The following CEP128 variants were observed in gnomAD, a reference collection of about 807,000 sequenced individuals.
CEP128 encodes the protein centrosomal protein 128kDa.
Under a neutral mutation model 156.7 loss-of-function variants are expected in CEP128, and 132 were observed. That is an observed-to-expected ratio of 0.84 (90% CI 0.73 to 0.97). The LOEUF is 0.97. Among genes scored for constraint, CEP128 ranks in the 50% least tolerant of loss-of-function variants. The probability of loss-of-function intolerance (pLI) is 0.00; values close to 1 mark genes in which losing one functional copy is unlikely to be tolerated. For missense variants in CEP128, 1,252 were observed against 1,281.9 expected, an observed-to-expected ratio of 0.98 and a Z score of 0.36; for synonymous variants, 469 against 448.9, an observed-to-expected ratio of 1.04 and a Z score of -0.57.
chr14:80,625,342 T>C (rs1893666235), intron 19 of CEP128, among the ~76,000 whole-genome samples: 1 of 152,194 alleles, frequency 6.6e-6, no homozygotes, highest in African/African-American at 2.4e-5. Context: ...ATTATTTTGG[T>C]TAATGTAGCT....
At chr14:80,806,418 T>G (rs1317981418) in intron 13 of CEP128, among the ~76,000 whole-genome samples, 4 of 152,164 alleles carry the variant, frequency 2.6e-5, no homozygotes, top group African/African-American at 9.6e-5. Context: ...GTGTTTAACT[T>G]AAAACACAAG....
chr14:80,611,600 C>T (rs1432224638), intron 19 of CEP128, among the ~76,000 whole-genome samples: 1 of 152,100 alleles, frequency 6.6e-6, no homozygotes, highest in Non-Finnish European at 1.5e-5. Flanking sequence ...AAAGGGTAAG[C>T]CTCCAGTATA....
Position 80,522,776 on chromosome 14 carries a change from T to C in CEP128, c.3072+4093A>G, listed in dbSNP as rs151284784. 8.2e-3 allele frequency among the ~76,000 whole-genome samples: 1,249 copies of C among 152,318 alleles called. 8 individuals are homozygous for C. Among genetic ancestry groups the C allele is most frequent in the Middle Eastern group, 0.034 (10 of 294 alleles). On this transcript the variant is annotated intron_variant, in intron 23 of 24. Coordinates refer to ENST00000555265, the MANE Select transcript of CEP128 (RefSeq NM_152446.5). ...AGACAGGAAGGAAGCCTGTATGTCC[T>C]ACAGAAACCCAATTAGGCTTGATGA...
At chr14:80,718,469 A>ACAAC (rs909300843) in intron 19 of CEP128, among the ~76,000 whole-genome samples, 3 of 152,240 alleles carry the variant, frequency 2.0e-5, no homozygotes, top group Non-Finnish European at 4.4e-5. Flanking sequence ...CTACAAGTTT[A>ACAAC]CAACCATTTT....
In CEP128 at chr14:80,612,873, G is replaced by A. The variant is rs567352388; in HGVS notation, c.2807-32450C>T. Among the ~76,000 whole-genome samples the A allele has an allele frequency of 1.1e-4, 16 of 151,824 alleles. 1 individual carries two copies. The highest frequency in any genetic ancestry group is 1.0e-3 in the South Asian group (5 of 4,794). On this transcript the variant is annotated intron_variant, in intron 19 of 24. Transcript: ENST00000555265. ...TTTTTGTTTTTGTTTTTTTCATCTC[G>A]CTCTGTCGCCAGGCTGGAGTGCAGT...
intron 21 of CEP128, among the ~76,000 whole-genome samples, chr14:80,545,836 G>A (rs1194757976): frequency 6.6e-6 from 1 of 152,156 alleles, no homozygotes; most frequent in Admixed American, 6.5e-5. Context: ...ACATGTTGAA[G>A]ATGGCATAAA....
chr14:80,723,037 A>G (rs1427508950), intron 19 of CEP128, among the ~76,000 whole-genome samples: 1 of 152,018 alleles, frequency 6.6e-6, no homozygotes, highest in Non-Finnish European at 1.5e-5. Flanking sequence ...CGTGTTAGCC[A>G]GGATGGTCTT....
intron 19 of CEP128, among the ~76,000 whole-genome samples, chr14:80,737,098 T>C (rs1005527327): frequency 6.6e-6 from 1 of 152,358 alleles, no homozygotes; most frequent in Non-Finnish European, 1.5e-5. Context: ...CTATTCTTTC[T>C]CAATTGGTTG....
chr14:80,734,728 A>T (rs1316712624), intron 19 of CEP128, among the ~76,000 whole-genome samples: 3 of 151,590 alleles, frequency 2.0e-5, no homozygotes, highest in Non-Finnish European at 2.9e-5. Flanking sequence ...CACACCTGTA[A>T]TCCCAGCTAC....
In CEP128 at chr14:80,930,798, T is replaced by C. The variant is rs1008930968; in HGVS notation, c.-16+8587A>G. 2.0e-5 allele frequency among the ~76,000 whole-genome samples: 3 copies of C among 152,250 alleles called. No homozygotes were observed. The East Asian group carries it at 5.8e-4, about 29-fold the overall frequency. On this transcript the variant is annotated intron_variant, in intron 2 of 24. Coordinates refer to ENST00000555265, the MANE Select transcript of CEP128 (RefSeq NM_152446.5). ...GCCACCACTTCATCAAATGCATCTGTACTGCGAGCATCATTCTCAGTGGCT... is the reference window on the plus strand; with the variant it reads ...GCCACCACTTCATCAAATGCATCTGCACTGCGAGCATCATTCTCAGTGGCT...
At chr14:80,720,679 C>A (rs1272889658) in intron 19 of CEP128, among the ~76,000 whole-genome samples, 1 of 152,120 alleles carries the variant, frequency 6.6e-6, no homozygotes, top group South Asian at 2.1e-4. Flanking sequence ...AATAAAAGTT[C>A]TTCCAAATTC....
intron 22 of CEP128, 125 bp downstream of exon 22, chr14:80,530,684 T>C (rs1404475666): frequency 3.9e-6 from 2 of 519,380 alleles, no homozygotes; most frequent in Non-Finnish European, 6.8e-6. Flanking sequence ...TAAGGTGGTA[T>C]GTTAAAAGTT....
At chr14:80,477,404 C>T (rs568717531) in exon 15 of CEP128, 121 of 152,202 alleles carry the variant, frequency 7.9e-4, no homozygotes, top group African/African-American at 2.7e-3. Context: ...AGAAAAAGTT[C>T]CATTTTTTTC....
At chr14:80,932,680 C>T (rs1885536196) in intron 2 of CEP128, among the ~76,000 whole-genome samples, 1 of 152,180 alleles carries the variant, frequency 6.6e-6, no homozygotes, top group African/African-American at 2.4e-5. Context: ...AGGGCTCCCA[C>T]TGACTCTATG....
At chr14:80,919,587 A>G (rs1437533240) in intron 2 of CEP128, among the ~76,000 whole-genome samples, 1 of 152,170 alleles carries the variant, frequency 6.6e-6, no homozygotes, top group Non-Finnish European at 1.5e-5. Context: ...AGGCATGGGT[A>G]CCTCAAAGTC....
At chr14:80,647,027 A>G (rs58561304) in intron 19 of CEP128, among the ~76,000 whole-genome samples, 4 of 117,340 alleles carry the variant, frequency 3.4e-5, no homozygotes, top group African/African-American at 5.9e-5. Flanking sequence ...GTGTATATAT[A>G]TGTGTGCATG....
intron 9 of CEP128, among the ~76,000 whole-genome samples, chr14:80,846,988 T>A (rs1886639936): frequency 6.6e-6 from 1 of 152,154 alleles, no homozygotes; most frequent in South Asian, 2.1e-4. Flanking sequence ...AGAAAGATAA[T>A]ATAGCTTGTA....
intron 8 of CEP128, among the ~76,000 whole-genome samples, chr14:80,881,076 T>A (rs1595540139): frequency 7.3e-6 from 1 of 136,944 alleles, no homozygotes; most frequent in Non-Finnish European, 1.6e-5. Flanking sequence ...ATAATAAAGA[T>A]CAGAGTAGAA....
At chr14:80,873,691 C>A (rs1365996512) in intron 8 of CEP128, among the ~76,000 whole-genome samples, 1 of 151,948 alleles carries the variant, frequency 6.6e-6, no homozygotes, top group Non-Finnish European at 1.5e-5. Flanking sequence ...TGGTGGTGTC[C>A]CCACCCAGAT....
Sources: allele counts gnomAD v4.1 joint callset (sites outside exome capture counted in the v4.1 genomes callset), GRCh38; gene constraint gnomAD v4.1.1; transcripts MANE v1.5; gene names NCBI Gene and HGNC (gene_info 2026-07-23, HGNC 2026-07-21).